CHD9: variants seen among roughly 807,000 people sequenced by gnomAD.
The protein encoded by CHD9 is ATP-dependent chromatin remodeler CHD9.
CHD9 carries 77 observed loss-of-function variants against 316.1 expected under a neutral mutation model. That is an observed-to-expected ratio of 0.24 (90% CI 0.20 to 0.29). CHD9 has a LOEUF of 0.29. CHD9 is among the 10% of genes least tolerant of loss of function. The pLI is 1.00. For synonymous variants in CHD9, 1,129 were observed against 1,158.3 expected (o/e 0.97, Z 0.51); for missense variants, 2,763 against 3,438.1 (o/e 0.80, Z 4.91).
chr16:53,180,246 A>G lies in CHD9; in HGVS notation c.1452+22705A>G, dbSNP rs985222765. On this transcript the variant is annotated intron_variant, in intron 2 of 38. Transcript: ENST00000447540. ...GGCCTCGAACTGCTGACCTCAGGTG[A>G]TCCACCTTCCTCGGCCTCCCAAAGT... Among the ~76,000 whole-genome samples the G allele has an allele frequency of 4.6e-5, 7 of 152,104 alleles. No homozygotes were observed. The East Asian group carries it at 1.4e-3, about 30-fold the overall frequency.
chr16:53,162,863 CA>C (rs2042014867), intron 2 of CHD9, among the ~76,000 whole-genome samples: 1 of 149,270 alleles, frequency 6.7e-6, no homozygotes, highest in African/African-American at 2.5e-5. Flanking sequence ...TGGCTCATTG[CA>C]GCCTCCATCT....
At chr16:53,167,211 C>T (rs1033602636) in intron 2 of CHD9, among the ~76,000 whole-genome samples, 10 of 152,076 alleles carry the variant, frequency 6.6e-5, no homozygotes, top group African/African-American at 2.2e-4. Context: ...AATTTTTTAT[C>T]TCTGTGTTTA....
At chr16:53,239,025 C>A (rs1299427022) in intron 12 of CHD9, among the ~76,000 whole-genome samples, 1 of 152,066 alleles carries the variant, frequency 6.6e-6, no homozygotes, top group Non-Finnish European at 1.5e-5. Context: ...GGTTCTCTTT[C>A]ATGTTCAATG....
chr16:53,272,583 G>A (rs190544850), intron 22 of CHD9, among the ~76,000 whole-genome samples: 3 of 152,138 alleles, frequency 2.0e-5, no homozygotes, highest in African/African-American at 4.8e-5. Flanking sequence ...GTATAGTTAT[G>A]TAATAAATTA....
intron 2 of CHD9, among the ~76,000 whole-genome samples, chr16:53,192,742 A>G (rs973108764): frequency 6.6e-6 from 1 of 152,162 alleles, no homozygotes; most frequent in Admixed American, 6.5e-5. Flanking sequence ...ATCATGCAGT[A>G]TATTGTGTTA....
chr16:53,315,581 C>T (rs1055529936), intron 36 of CHD9, among the ~76,000 whole-genome samples: 6 of 152,076 alleles, frequency 3.9e-5, no homozygotes, highest in African/African-American at 1.4e-4. Context: ...CGGATTCAAG[C>T]GATTCTCCCA....
At position 53,267,908 on chromosome 16, in the gene CHD9, C is replaced by G; in HGVS notation, c.4518-19C>G. The G allele has an allele frequency of 6.2e-7, 1 of 1,606,028 alleles. No individual in the cohort carries two copies. Among genetic ancestry groups the G allele is most frequent in the South Asian group, 1.1e-5 (1 of 90,874 alleles). On this transcript the variant is annotated intron_variant, in intron 21 of 38. Coordinates refer to ENST00000447540, the MANE Select transcript of CHD9 (RefSeq NM_001308319.2). ...AGAACTTGACTCAATATCAATGTAA[C>G]TATACCTTTTTTAACCAGGTGGGGC...
intron 2 of CHD9, among the ~76,000 whole-genome samples, chr16:53,163,494 GC>G (rs2042065231): frequency 6.6e-6 from 1 of 152,232 alleles, no homozygotes; most frequent in Non-Finnish European, 1.5e-5. Context: ...ACAGGCGTGA[GC>G]CACTGTGCCT....
intron 1 of CHD9, among the ~76,000 whole-genome samples, chr16:53,137,879 A>T (rs188937641): frequency 3.4e-4 from 52 of 152,310 alleles, no homozygotes; most frequent in African/African-American, 1.2e-3. Context: ...ACTTTAGGGA[A>T]TATGATGTGT....
In CHD9 at chr16:53,280,660, A is replaced by G. The variant is rs368772183; in HGVS notation, c.4968-4936A>G. ...GTAACCAAATACCACCTGTTCTCCAAAAACCTATGGAAATACAATTTAAAA... is the reference window on the plus strand; with the variant it reads ...GTAACCAAATACCACCTGTTCTCCAGAAACCTATGGAAATACAATTTAAAA... On this transcript the variant is annotated intron_variant, in intron 24 of 38. Transcript: ENST00000447540. Among the ~76,000 whole-genome samples, 20 of 152,118 alleles carry G rather than the reference A, an allele frequency of 1.3e-4. 2 individuals carry two copies. Among genetic ancestry groups the G allele is most frequent in the East Asian group, 3.9e-4 (2 of 5,168 alleles).
Position 53,263,104 on chromosome 16 carries a change from A to G in CHD9, c.4320+7A>G, listed in dbSNP as rs2051303333. ...AGAGGCCATCAGTGGCAGAGTAAGT[A>G]TTTTTATCCCTCTAAAATAAACTTG... On this transcript the variant is annotated splice_region_variant and intron_variant, in intron 20 of 38. Coordinates refer to ENST00000447540, the MANE Select transcript of CHD9 (RefSeq NM_001308319.2). 1 of 1,592,518 alleles carries G rather than the reference A, an allele frequency of 6.3e-7. No homozygotes were observed. Among genetic ancestry groups the G allele is most frequent in the Non-Finnish European group, 8.6e-7 (1 of 1,162,962 alleles).
intron 1 of CHD9, among the ~76,000 whole-genome samples, chr16:53,068,081 C>G (rs1487742198): frequency 1.3e-5 from 2 of 152,084 alleles, no homozygotes; most frequent in Non-Finnish European, 2.9e-5. Context: ...AAATTTGAAA[C>G]CCATGTAGGC....
At chr16:53,086,538 T>C (rs1047201884) in intron 1 of CHD9, among the ~76,000 whole-genome samples, 3 of 152,204 alleles carry the variant, frequency 2.0e-5, no homozygotes, top group African/African-American at 7.2e-5. Context: ...AAGGTCCAGG[T>C]TCAGCTCTCA....
intron 2 of CHD9, among the ~76,000 whole-genome samples, chr16:53,207,824 A>C (rs900149418): frequency 6.6e-6 from 1 of 152,098 alleles, no homozygotes; most frequent in African/African-American, 2.4e-5. Context: ...ATATTTTTTA[A>C]AACTTTACTG....
intron 19 of CHD9, among the ~76,000 whole-genome samples, chr16:53,259,993 A>C (rs998559884): frequency 1.3e-5 from 2 of 152,234 alleles, no homozygotes; most frequent in African/African-American, 2.4e-5. Context: ...GAAGATATTA[A>C]AGTATCATAT....
At chr16:53,202,439 C>T (rs568246267) in intron 2 of CHD9, among the ~76,000 whole-genome samples, 3 of 147,696 alleles carry the variant, frequency 2.0e-5, no homozygotes, top group Non-Finnish European at 4.5e-5. Context: ...AGTCTTAAGT[C>T]TCATCTACTC....
intron 37 of CHD9, among the ~76,000 whole-genome samples, chr16:53,318,697 A>C (rs2057058109): frequency 6.6e-6 from 1 of 152,194 alleles, no homozygotes; most frequent in Non-Finnish European, 1.5e-5. Flanking sequence ...GGTAGCCACA[A>C]GGAGAAGATG....
intron 1 of CHD9, among the ~76,000 whole-genome samples, chr16:53,146,415 G>GTGTA (rs1224485632): frequency 0.058 from 3,730 of 64,426 alleles, 383 homozygotes; most frequent in African/African-American, 0.24. Context: ...GTGTGTGTGT[G>GTGTA]TATGTATATA....
At chr16:53,143,358 T>TTTTATTTATTTATTTATTTA (rs55793321) in intron 1 of CHD9, among the ~76,000 whole-genome samples, 4 of 137,982 alleles carry the variant, frequency 2.9e-5, no homozygotes, top group Non-Finnish European at 4.6e-5. Flanking sequence ...TTTTATCTTA[T>TTTTATTTATTTATTTATTTA]TTTATTTATT....
Sources: gnomAD v4.1 joint callset for allele counts (sites outside exome capture counted in the v4.1 genomes callset) on GRCh38, gnomAD v4.1.1 for gene constraint, MANE v1.5 for transcripts, NCBI Gene and HGNC (gene_info 2026-07-23, HGNC 2026-07-21) for gene names.